Variants in MKKS observed in about 807,000 individuals in gnomAD.
The protein encoded by MKKS is molecular chaperone MKKS.
A neutral mutation model predicts 33.2 loss-of-function variants in MKKS; 29 were observed. The ratio of observed to expected loss-of-function variants is 0.87; its 90% CI spans 0.65 to 1.19. MKKS has a LOEUF of 1.19. Among genes scored for constraint, MKKS ranks in the 50% most tolerant of loss-of-function variants. MKKS has a pLI of 0.00. For synonymous variants in MKKS, 260 were observed against 244.0 expected (o/e 1.07, Z -0.61); for missense variants, 661 against 662.3 (o/e 1.00, Z 0.02).
Position 10,413,661 on chromosome 20 carries a change from G to T in MKKS, c.-147C>A. ...AGCATTGTGGCTATAAAATCAAAAA[G>T]TTCAATGTTTATGAAGCTAATCAGC... On this transcript the variant is annotated 5_prime_UTR_variant, in exon 3 of 6. Coordinates refer to ENST00000347364, the MANE Select transcript of MKKS (RefSeq NM_170784.3). 2 of 858,618 alleles carry T rather than the reference G, an allele frequency of 2.3e-6. No homozygotes were observed. Among genetic ancestry groups the T allele is most frequent in the Non-Finnish European group, 3.6e-6 (2 of 549,816 alleles). 53.2% of individuals were successfully genotyped at this position (858,618 alleles called of 1,614,324 possible).
At position 10,413,084 on chromosome 20, in the gene MKKS, AAG is replaced by A. The variant is rs762222223; in HGVS notation, c.429_430del (p.Phe144Ter). On this transcript the variant is annotated frameshift_variant, in exon 3 of 6. Transcript: ENST00000347364. LOFTEE classifies it high-confidence loss of function. ...ACAAAGGAGGATCTGAGTACTACTA[AAG>A]TCCACTGGGATTCGACAACCACAGG... 11 of 1,613,882 alleles carry A rather than the reference AAG, an allele frequency of 6.8e-6. No homozygotes were observed. Among genetic ancestry groups the A allele is most frequent in the Non-Finnish European group, 9.3e-6 (11 of 1,180,034 alleles).
intron 5 of MKKS, 113 bp from the exon 6 acceptor site, chr20:10,405,800 A>C: frequency 9.2e-7 from 1 of 1,088,672 alleles, no homozygotes; most frequent in Non-Finnish European, 1.3e-6. Context: ...ACTTACTTTC[A>C]TTTAATTTGG....
At position 10,420,610 on chromosome 20, in the gene MKKS, T is replaced by A. The variant is rs1346376553; in HGVS notation, c.-500A>T. 1.3e-5 allele frequency: 2 copies of A among 152,220 alleles called. No homozygotes were observed. The allele number at this position is 152,220 out of a possible 1,614,324, so 9.4% of individuals were successfully genotyped here. ...TCCCAGACTATCTTGCTCAGGAATGTCGTCGTTTTTAGGTATTTGGAAAAC... is the reference window on the plus strand; with the variant it reads ...TCCCAGACTATCTTGCTCAGGAATGACGTCGTTTTTAGGTATTTGGAAAAC... On this transcript the variant is annotated 5_prime_UTR_variant, in exon 2 of 6. Coordinates refer to ENST00000347364, the MANE Select transcript of MKKS (RefSeq NM_170784.3).
chr20:10,423,706 C>T (rs756887677), intron 1 of MKKS, among the ~76,000 whole-genome samples: 2 of 152,106 alleles, frequency 1.3e-5, no homozygotes, highest in Non-Finnish European at 2.9e-5. Context: ...AAGAAATGCT[C>T]AATTTTATGT....
At chr20:10,407,497 C>A in intron 5 of MKKS, 119 bp downstream of exon 5, 5 of 862,068 alleles carry the variant, frequency 5.8e-6, no homozygotes, top group Non-Finnish European at 7.6e-6. Flanking sequence ...ACATGCACCC[C>A]TGAACCTAAA....
chr20:10,413,446 C>G lies in MKKS; in HGVS notation c.69G>C (p.Arg23Ser), dbSNP rs748670841. 8.1e-6 allele frequency: 13 copies of G among 1,613,996 alleles called. No homozygotes were observed. The Admixed American group carries it at 1.8e-4, about 23-fold the overall frequency. The change falls in exon 3 of 6, where the codon AGG becomes AGC. Residue 23 changes from arginine to serine, a missense_variant. Physicochemically the swap from Arg to Ser is moderately radical, Grantham distance 110 (BLOSUM62 -1). Coordinates refer to ENST00000347364, the MANE Select transcript of MKKS (RefSeq NM_170784.3). ...KSEPLTTERV[R>S]TTLSVLKRIV... ...TTCTTTTCAAGACAGAAAGTGTGGT[C>G]CTGACTCTCTCAGTTGTCAGTGGTT... is the stretch of plus-strand genomic sequence containing the variant.
At chr20:10,428,170 GTT>G (rs2065029041) in intron 1 of MKKS, among the ~76,000 whole-genome samples, 2 of 152,332 alleles carry the variant, frequency 1.3e-5, no homozygotes, top group Non-Finnish European at 2.9e-5. Context: ...GCAAGCTGTG[GTT>G]TATCACAATG....
chr20:10,413,073 GAGTACTACTAA>G lies in MKKS; in HGVS notation c.431_441del (p.Phe144SerfsTer9), dbSNP rs113994195. ...CTACGCACCAAACAAAGGAGGATCT[GAGTACTACTAA>G]AGTCCACTGGGATTCGACAACCACA... On this transcript the variant is annotated frameshift_variant, in exon 3 of 6. Transcript: ENST00000347364. LOFTEE classifies it high-confidence loss of function. The G allele has an allele frequency of 6.2e-7, 1 of 1,613,994 alleles. No individual in the cohort carries two copies. The highest frequency in any genetic ancestry group is 8.5e-7 in the Non-Finnish European group (1 of 1,180,028).
rs777614550 is a variant in MKKS at position 10,413,410 on chromosome 20, T to A, written c.105A>T (p.Ser35=). 5 of 1,613,080 alleles carry A rather than the reference T, an allele frequency of 3.1e-6. No homozygotes were observed. The highest frequency in any genetic ancestry group is 2.7e-5 in the African/African-American group (2 of 74,908). The change falls in exon 3 of 6, where the codon TCA becomes TCT. Residue 35 remains serine, a synonymous_variant. Coordinates refer to ENST00000347364, the MANE Select transcript of MKKS (RefSeq NM_170784.3). ...TCAGCCTACCTGAGGGGCCATAGCA[T>A]GATGTTACAATTCTTTTCAAGACAG... The part of the protein sequence containing the change: ...TLSVLKRIVT[S]CYGPSGRLKQ...
At chr20:10,428,798 C>T (rs762463710) in intron 1 of MKKS, among the ~76,000 whole-genome samples, 5 of 152,130 alleles carry the variant, frequency 3.3e-5, no homozygotes, top group African/African-American at 1.2e-4. Context: ...GAGTCGAGAT[C>T]GCGCCATTGC....
rs1475734665 is a variant in MKKS, at chr20:10,412,924, T to C, written c.591A>G (p.Gly197=). 2 of 1,613,486 alleles carry C rather than the reference T, an allele frequency of 1.2e-6. No individual in the cohort carries two copies. Among genetic ancestry groups the C allele is most frequent in the Non-Finnish European group, 1.7e-6 (2 of 1,179,792 alleles). Residue 197 remains glycine, a synonymous_variant, in exon 3 of 6, where the codon GGA becomes GGG. Transcript: ENST00000347364. The stretch of plus-strand genomic sequence containing the variant: ...CTTTTAAAGGTACAATTAAACTCTT[T>C]CCTAAAATGATGTGGCCTTCAGCAT... ...PENAEGHIIL[G]KSLIVPLKGQ... is the part of the protein sequence containing the mutation.
intron 3 of MKKS, among the ~76,000 whole-genome samples, chr20:10,409,721 C>T (rs2064867189): frequency 6.6e-6 from 1 of 151,898 alleles, no homozygotes; most frequent in African/African-American, 2.4e-5. Context: ...GCCTGTAATC[C>T]CAGCATTTTA....
At chr20:10,411,574 T>C (rs1257285440) in intron 3 of MKKS, among the ~76,000 whole-genome samples, 1 of 152,232 alleles carries the variant, frequency 6.6e-6, no homozygotes, top group East Asian at 1.9e-4. Flanking sequence ...ACTCTACTTT[T>C]GACAGTCATT....
intron 1 of MKKS, among the ~76,000 whole-genome samples, chr20:10,427,029 G>GACACACACAC (rs377703248): frequency 0.029 from 3,760 of 130,650 alleles, 113 homozygotes; most frequent in Admixed American, 0.035. Flanking sequence ...AGAAAACACT[G>GACACACACAC]ACACACACAC....
intron 2 of MKKS, among the ~76,000 whole-genome samples, chr20:10,418,917 A>C (rs980614897): frequency 6.6e-6 from 1 of 152,088 alleles, no homozygotes. Context: ...TATAAATACA[A>C]ATTTTATATA....
chr20:10,419,094 A>G lies in MKKS; in HGVS notation c.-418+1434T>C, dbSNP rs1308399572. Among the ~76,000 whole-genome samples the G allele has an allele frequency of 2.0e-5, 3 of 152,176 alleles. No individual in the cohort carries two copies. The South Asian group carries it at 6.2e-4, about 31-fold the overall frequency. ...TATTGTTGAAACCAGTAATTATACC[A>G]AAAGTCAAAATCTCAGACCAAGGCT... On this transcript the variant is annotated intron_variant, in intron 2 of 5. Transcript: ENST00000347364.
chr20:10,431,481 A>G (rs534753818), intron 1 of MKKS, among the ~76,000 whole-genome samples: 6 of 152,042 alleles, frequency 3.9e-5, no homozygotes, highest in Non-Finnish European at 7.4e-5. Context: ...TGAGAAGATA[A>G]TGGGACAATC....
At chr20:10,407,474 A>G in intron 5 of MKKS, 142 bp downstream of exon 5, 1 of 705,094 alleles carries the variant, frequency 1.4e-6, no homozygotes, top group Non-Finnish European at 2.5e-6. Flanking sequence ...GTTTACCTGT[A>G]TAACAAACCT....
chr20:10,411,747 T>C (rs146293315), intron 3 of MKKS, among the ~76,000 whole-genome samples: 1 of 152,354 alleles, frequency 6.6e-6, no homozygotes, highest in African/African-American at 2.4e-5. Flanking sequence ...GCAGACTAAA[T>C]GATCATCTTT....
Sources: gnomAD v4.1 joint callset for allele counts (sites outside exome capture counted in the v4.1 genomes callset) on GRCh38, gnomAD v4.1.1 for gene constraint, MANE v1.5 for transcripts, NCBI Gene and HGNC (gene_info 2026-07-23, HGNC 2026-07-21) for gene names.